Variants in SLC10A4 observed in about 807,000 individuals in gnomAD.
SLC10A4 encodes putative sodium/bile acid cotransporter 4.
A neutral mutation model predicts 22.5 loss-of-function variants in SLC10A4; 17 were observed. That is an observed-to-expected ratio of 0.76 (90% CI 0.52 to 1.14). The LOEUF is 1.14. Among genes scored for constraint, SLC10A4 ranks in the 50% most tolerant of loss-of-function variants. The pLI, the probability that SLC10A4 is intolerant of heterozygous loss-of-function variation, is 0.00. For missense variants in SLC10A4, 548 were observed against 584.0 expected, an observed-to-expected ratio of 0.94 and a Z score of 0.64; for synonymous variants, 257 against 258.2, an observed-to-expected ratio of 1.00 and a Z score of 0.04.
rs756316628 is a variant in SLC10A4 at position 48,484,158 on chromosome 4, A to C, written c.590+7A>C. On this transcript the variant is annotated splice_region_variant and intron_variant, in intron 1 of 2. Transcript: ENST00000273861. Reference sequence around the variant, plus strand: ...ACGGCGACATGAACCTCAGGTACGGATCTGTCTATTCCTTGGGCATCTGTC... The same window carrying C: ...ACGGCGACATGAACCTCAGGTACGGCTCTGTCTATTCCTTGGGCATCTGTC... 1.9e-6 allele frequency: 3 copies of C among 1,561,768 alleles called. No homozygotes were observed. Among genetic ancestry groups the C allele is most frequent in the Non-Finnish European group, 2.6e-6 (3 of 1,151,410 alleles).
chr4:48,483,695 G>A lies in SLC10A4; in HGVS notation c.134G>A (p.Gly45Asp). 6.8e-7 allele frequency: 1 copy of A among 1,463,200 alleles called. No homozygotes were observed. Among genetic ancestry groups the A allele is most frequent in the Non-Finnish European group, 9.0e-7 (1 of 1,114,476 alleles). 90.6% of individuals were successfully genotyped at this position (1,463,200 alleles called of 1,614,324 possible). The part of the protein sequence containing the change: ...ALAPASSAGP[G>D]PGLSLGPGPS... ...GCCCCTGCCTCCAGCGCCGGCCCCG[G>A]CCCTGGGCTCAGCCTCGGGCCGGGT... Residue 45 changes from glycine to aspartate, a missense_variant, in exon 1 of 3, where the codon GGC becomes GAC. Physicochemically the swap from Gly to Asp is moderately conservative, Grantham distance 94. Around this residue, in one of 3 missense-constraint regions of SLC10A4, gnomAD observed 225 missense variants for 206.9 expected, o/e 1.09. Coordinates refer to ENST00000273861, the MANE Select transcript of SLC10A4 (RefSeq NM_152679.4). This position sits in a 1 kb window ranked among gnomAD's most constrained non-coding sequence, Gnocchi z 5.4.
chr4:48,485,350 A>G (rs1363204971), intron 2 of SLC10A4, among the ~76,000 whole-genome samples: 1 of 152,230 alleles, frequency 6.6e-6, no homozygotes, highest in African/African-American at 2.4e-5. Context: ...ATTAAGACAC[A>G]GCTTAATCAA....
intron 2 of SLC10A4, among the ~76,000 whole-genome samples, chr4:48,485,828 T>A (rs1172314373): frequency 1.3e-5 from 2 of 152,228 alleles, no homozygotes; most frequent in Non-Finnish European, 2.9e-5. Context: ...GGGATTTCTA[T>A]AATTTGTGCA....
intron 1 of SLC10A4, 43 bp downstream of exon 1, chr4:48,484,194 C>A: frequency 6.7e-7 from 1 of 1,497,454 alleles, no homozygotes; most frequent in Admixed American, 2.1e-5. Context: ...TCATCCCAGA[C>A]GCGCGTTTAC....
intron 1 of SLC10A4, among the ~76,000 whole-genome samples, chr4:48,484,424 C>T (rs1291408742): frequency 1.3e-5 from 2 of 152,234 alleles, no homozygotes; most frequent in African/African-American, 4.8e-5. Flanking sequence ...CCCTCGCCGT[C>T]CTCCCCGAGC....
In SLC10A4 at chr4:48,483,754, A is replaced by C; in HGVS notation, c.193A>C (p.Thr65Pro). 1 of 1,472,606 alleles carries C rather than the reference A, an allele frequency of 6.8e-7. No individual in the cohort carries two copies. The highest frequency in any genetic ancestry group is 2.8e-5 in the East Asian group (1 of 35,944). The allele number at this position is 1,472,606 out of a possible 1,614,324, so 91.2% of individuals were successfully genotyped here. The change falls in exon 1 of 3, where the codon ACC becomes CCC. Residue 65 changes from threonine (T) to proline (P), a missense_variant. Around this residue, in one of 3 missense-constraint regions of SLC10A4, gnomAD observed 225 missense variants for 206.9 expected, o/e 1.09. Transcript: ENST00000273861. This position sits in a 1 kb window ranked among gnomAD's most constrained non-coding sequence, Gnocchi z 5.4. ...SFGFSPGPTP[T>P]PEPTTSGLAG... Reference sequence around the variant, plus strand: ...CGGCTTCAGCCCCGGCCCCACTCCGACCCCGGAGCCCACGACCAGCGGCCT... The same window carrying C: ...CGGCTTCAGCCCCGGCCCCACTCCGCCCCCGGAGCCCACGACCAGCGGCCT...
chr4:48,483,871 G>C lies in SLC10A4; in HGVS notation c.310G>C (p.Gly104Arg), dbSNP rs1035476926. The C allele has an allele frequency of 4.5e-6, 7 of 1,543,194 alleles. No individual in the cohort carries two copies. In the African/African-American group the frequency reaches 5.5e-5, roughly 12 times the overall value. ...GTTCTGGGACACGCCGCTGAACCAC[G>C]GGCTGAACGTGTTCGTGGGCGCCGC... is the stretch of plus-strand genomic sequence containing the variant. The part of the protein sequence containing the change: ...LPFWDTPLNH[G>R]LNVFVGAALC... Residue 104 changes from glycine (G) to arginine (R), a missense_variant, in exon 1 of 3, where the codon GGG (glycine) becomes CGG (arginine). Gly to Arg is a moderately radical substitution (Grantham distance 125). This residue lies in a region of SLC10A4 where 225 missense variants were observed against 206.9 expected (regional missense o/e 1.09). Transcript: ENST00000273861. This position sits in a 1 kb window ranked among gnomAD's most constrained non-coding sequence, Gnocchi z 5.4.
Position 48,484,026 on chromosome 4 carries a change from C to T in SLC10A4, c.465C>T (p.Phe155=). ...TCGGCCTCCTGCCGCTGCTGGCCTT[C>T]CTGCTGGCCCTCGCCTTCAAGCTGG... is the stretch of plus-strand genomic sequence containing the variant. ...CQFGLLPLLA[F]LLALAFKLDE... The change falls in exon 1 of 3, where the codon TTC becomes TTT. Residue 155 remains phenylalanine, a synonymous_variant. Coordinates refer to ENST00000273861, the MANE Select transcript of SLC10A4 (RefSeq NM_152679.4). 6.3e-7 allele frequency: 1 copy of T among 1,596,614 alleles called. No individual in the cohort carries two copies. Among genetic ancestry groups the T allele is most frequent in the Non-Finnish European group, 8.5e-7 (1 of 1,175,818 alleles).
intron 2 of SLC10A4, among the ~76,000 whole-genome samples, chr4:48,487,788 CTTTTTTTTTTTTTTTTTTT>C (rs35831946): frequency 5.0e-5 from 2 of 39,788 alleles, no homozygotes; most frequent in Non-Finnish European, 8.0e-5. Context: ...TTTTGAAGAG[CTTTTTTTTTTTTTTTTTTT>C]TTTTTTTTTT....
At position 48,483,711 on chromosome 4, in the gene SLC10A4, C is replaced by G; in HGVS notation, c.150C>G (p.Leu50=). 1 of 1,432,582 alleles carries G rather than the reference C, an allele frequency of 7.0e-7. No homozygotes were observed. Among genetic ancestry groups the G allele is most frequent in the Non-Finnish European group, 9.1e-7 (1 of 1,101,994 alleles). 88.7% of individuals were successfully genotyped at this position (1,432,582 alleles called of 1,614,324 possible). A position where few individuals can be genotyped will look rare whatever the true frequency, so the allele number is the denominator to read the frequency against. ...CCGGCCCCGGCCCTGGGCTCAGCCT[C>G]GGGCCGGGTCCGAGCTTCGGCTTCA... ...SSAGPGPGLS[L]GPGPSFGFSP... Residue 50 remains leucine, a synonymous_variant, in exon 1 of 3, where the codon CTC becomes CTG. Transcript: ENST00000273861. The surrounding 1 kb of genome is among the most constrained non-coding windows in gnomAD (Gnocchi z 5.4).
At position 48,483,553 on chromosome 4, in the gene SLC10A4, G is replaced by T. The variant is rs2148671675; in HGVS notation, c.-9G>T. ...GGAGGGGACCGGAATCCGCAGCTCC[G>T]GCCGCGCCATGGACGGCAACGACAA... On this transcript the variant is annotated 5_prime_UTR_variant, in exon 1 of 3. Transcript: ENST00000273861. This position sits in a 1 kb window ranked among gnomAD's most constrained non-coding sequence, Gnocchi z 5.4. The T allele has an allele frequency of 6.7e-7, 1 of 1,495,332 alleles. No homozygotes were observed. The allele number at this position is 1,495,332 out of a possible 1,614,324, so 92.6% of individuals were successfully genotyped here. A position where few individuals can be genotyped will look rare whatever the true frequency, so the allele number is the denominator to read the frequency against.
intron 2 of SLC10A4, among the ~76,000 whole-genome samples, chr4:48,486,783 G>T (rs1432876037): frequency 6.6e-6 from 1 of 152,032 alleles, no homozygotes; most frequent in Non-Finnish European, 1.5e-5. Flanking sequence ...ACTTTGAAAT[G>T]GTATGCTTTT....
intron 2 of SLC10A4, among the ~76,000 whole-genome samples, 178 bp from the exon 3 acceptor site, chr4:48,488,249 G>T (rs1718315591): frequency 6.7e-6 from 1 of 149,922 alleles, no homozygotes; most frequent in African/African-American, 2.5e-5. Flanking sequence ...AATCAGAGCT[G>T]CCCAATGTGG....
chr4:48,483,801 C>T lies in SLC10A4; in HGVS notation c.240C>T (p.His80=), dbSNP rs1484737392. ...GCCTCGCGGGCGGCGCGGCGAGCCACGGCCCTTCCCCGTTCCCTCGGCCCT... is the reference window on the plus strand; with the variant it reads ...GCCTCGCGGGCGGCGCGGCGAGCCATGGCCCTTCCCCGTTCCCTCGGCCCT... The part of the protein sequence containing the change: ...TSGLAGGAAS[H]GPSPFPRPWA... The change falls in exon 1 of 3, where the codon CAC becomes CAT. Residue 80 remains histidine (H), a synonymous_variant. Transcript: ENST00000273861. The surrounding 1 kb of genome is among the most constrained non-coding windows in gnomAD (Gnocchi z 5.4). The T allele has an allele frequency of 6.6e-7, 1 of 1,513,142 alleles. No individual in the cohort carries two copies. The highest frequency in any genetic ancestry group is 1.2e-5 in the South Asian group (1 of 81,144). The allele number at this position is 1,513,142 out of a possible 1,614,324, so 93.7% of individuals were successfully genotyped here. A position where few individuals can be genotyped will look rare whatever the true frequency, so the allele number is the denominator to read the frequency against.
At position 48,483,498 on chromosome 4, in the gene SLC10A4, C is replaced by A; in HGVS notation, c.-64C>A. 7.4e-7 allele frequency: 1 copy of A among 1,350,952 alleles called. No homozygotes were observed. 83.7% of individuals were successfully genotyped at this position (1,350,952 alleles called of 1,614,324 possible). ...GCAGAACGACGGGCGGCGACTGCGG[C>A]GACCGCGGGACGGCGAGAGGCACGC... On this transcript the variant is annotated 5_prime_UTR_variant, in exon 1 of 3. Coordinates refer to ENST00000273861, the MANE Select transcript of SLC10A4 (RefSeq NM_152679.4). The surrounding 1 kb of genome is among the most constrained non-coding windows in gnomAD (Gnocchi z 5.4).
chr4:48,484,823 C>G, intron 1 of SLC10A4, 109 bp from the exon 2 acceptor site: 2 of 1,026,422 alleles, frequency 1.9e-6, no homozygotes, highest in Middle Eastern at 6.5e-4. Context: ...ACTTCAACCC[C>G]GGGACTTGCA....
chr4:48,484,766 G>C (rs1420021264), intron 1 of SLC10A4, among the ~76,000 whole-genome samples, 166 bp from the exon 2 acceptor site: 1 of 152,072 alleles, frequency 6.6e-6, no homozygotes, highest in Non-Finnish European at 1.5e-5. Flanking sequence ...ATCGGTGTTA[G>C]ACGTGCTGCT....
At position 48,485,064 on chromosome 4, in the gene SLC10A4, C is replaced by G. The variant is rs773607783; in HGVS notation, c.723C>G (p.Leu241=). The stretch of plus-strand genomic sequence containing the variant: ...CCCTAGGGACCGTGACCCTGACTCT[C>G]TGCAGCACTCTCATACCTATCGGGT... ...LLPLGTVTLT[L]CSTLIPIGLG... The change falls in exon 2 of 3, where the codon CTC becomes CTG. Residue 241 remains leucine, a synonymous_variant. Coordinates refer to ENST00000273861, the MANE Select transcript of SLC10A4 (RefSeq NM_152679.4). 1 of 1,614,026 alleles carries G rather than the reference C, an allele frequency of 6.2e-7. No individual in the cohort carries two copies. The highest frequency in any genetic ancestry group is 8.5e-7 in the Non-Finnish European group (1 of 1,180,028).
At chr4:48,485,786 T>G (rs1718272501) in intron 2 of SLC10A4, among the ~76,000 whole-genome samples, 1 of 152,194 alleles carries the variant, frequency 6.6e-6, no homozygotes, top group African/African-American at 2.4e-5. Context: ...TTGCAATATT[T>G]TATATGGCTT....
Sources: gnomAD v4.1 joint callset for allele counts (sites outside exome capture counted in the v4.1 genomes callset) on GRCh38, gnomAD v4.1.1 for gene constraint, gnomAD v4.1.1 regional missense constraint, Gnocchi (gnomAD v3.1) non-coding constraint, MANE v1.5 for transcripts, NCBI Gene and HGNC (gene_info 2026-07-23, HGNC 2026-07-21) for gene names.